The following CLNK variants were observed in gnomAD, a reference collection of about 807,000 sequenced individuals.
CLNK encodes the protein cytokine-dependent hematopoietic cell linker.
A neutral mutation model predicts 68.6 loss-of-function variants in CLNK; 74 were observed. The ratio of observed to expected loss-of-function variants is 1.08; its 90% confidence interval spans 0.89 to 1.31. The LOEUF (loss-of-function observed/expected upper bound fraction) is 1.31. Ranked by LOEUF, CLNK falls within the 50% of genes most tolerant of loss-of-function variation. CLNK has a pLI of 0.00. For missense variants in CLNK, 553 were observed against 515.3 expected (o/e 1.07, Z -0.71); for synonymous variants, 198 against 172.2 (o/e 1.15, Z -1.17).
chr4:10,659,369 C>G (rs1577202768), intron 2 of CLNK, among the ~76,000 whole-genome samples: 1 of 152,184 alleles, frequency 6.6e-6, no homozygotes, highest in East Asian at 1.9e-4. Flanking sequence ...CTCAACAACC[C>G]TTTGAGATAG....
intron 1 of CLNK, among the ~76,000 whole-genome samples, chr4:10,679,287 T>C (rs1257695578): frequency 1.3e-5 from 2 of 152,200 alleles, no homozygotes; most frequent in Non-Finnish European, 2.9e-5. Flanking sequence ...ATTTAATAAA[T>C]GGTGCTGGGA....
the CLNK span, among the ~76,000 whole-genome samples, chr4:10,695,808 A>G: frequency 6.6e-6 from 1 of 151,678 alleles, no homozygotes; most frequent in East Asian, 1.9e-4. Context: ...AGAGCATTCA[A>G]TTCCCCTGCC....
intron 2 of CLNK, among the ~76,000 whole-genome samples, chr4:10,637,933 T>C (rs1300296223): frequency 6.6e-6 from 1 of 151,336 alleles, no homozygotes; most frequent in Non-Finnish European, 1.5e-5. Flanking sequence ...TTGCCTACTC[T>C]CTTAAAGAGT....
At chr4:10,662,108 T>C (rs1192732220) in intron 2 of CLNK, among the ~76,000 whole-genome samples, 1 of 152,210 alleles carries the variant, frequency 6.6e-6, no homozygotes, top group Non-Finnish European at 1.5e-5. Flanking sequence ...TAGACTATTA[T>C]GGTAGAGTTA....
At chr4:10,715,586 CTTTCT>C in the CLNK span, among the ~76,000 whole-genome samples, 1 of 152,158 alleles carries the variant, frequency 6.6e-6, no homozygotes, top group Non-Finnish European at 1.5e-5. Flanking sequence ...CTTCTTCCTT[CTTTCT>C]TTTCTTCTTC....
chr4:10,540,934 G>T (rs376198839), intron 10 of CLNK, among the ~76,000 whole-genome samples: 1 of 152,030 alleles, frequency 6.6e-6, no homozygotes, highest in Non-Finnish European at 1.5e-5. Context: ...AAAAAAAGTG[G>T]CCAGGCATGG....
At chr4:10,681,257 A>C (rs1394902728) in intron 1 of CLNK, among the ~76,000 whole-genome samples, 1 of 152,228 alleles carries the variant, frequency 6.6e-6, no homozygotes, top group African/African-American at 2.4e-5. Context: ...TCAAAGTACC[A>C]GAGTGAACTG....
At chr4:10,584,826 C>T (rs1720912296) in intron 4 of CLNK, 101 bp downstream of exon 4, 1 of 1,212,236 alleles carries the variant, frequency 8.2e-7, no homozygotes, top group African/African-American at 1.5e-5. Context: ...TCAAATAGGC[C>T]ATAGTTTTAT....
chr4:10,573,714 G>A lies in CLNK; in HGVS notation c.113-1936C>T, dbSNP rs993030467. The stretch of plus-strand genomic sequence containing the variant: ...TTAGAAAATTGGCCTCAAGGAGTGC[G>A]GTCATGATACTGACATCTTCTTGGG... On this transcript the variant is annotated intron_variant, in intron 4 of 18. Coordinates refer to ENST00000226951, the MANE Select transcript of CLNK (RefSeq NM_052964.4). Among the ~76,000 whole-genome samples, 9 of 152,086 alleles carry A rather than the reference G, an allele frequency of 5.9e-5. No individual in the cohort carries two copies. In the South Asian group the frequency reaches 1.5e-3, roughly 25 times the overall value.
At chr4:10,616,285 C>T (rs2108857519) in intron 2 of CLNK, among the ~76,000 whole-genome samples, 1 of 152,262 alleles carries the variant, frequency 6.6e-6, no homozygotes, top group Middle Eastern at 3.4e-3. Flanking sequence ...TTGGCACATG[C>T]TACAAATCGG....
intron 18 of CLNK, among the ~76,000 whole-genome samples, chr4:10,496,407 G>A (rs1231735901): frequency 6.6e-6 from 1 of 152,178 alleles, no homozygotes; most frequent in Admixed American, 6.5e-5. Context: ...CAAGACAAAA[G>A]GCTCACGCTG....
At chr4:10,618,726 G>C (rs566387449) in intron 2 of CLNK, among the ~76,000 whole-genome samples, 6 of 152,188 alleles carry the variant, frequency 3.9e-5, no homozygotes, top group Non-Finnish European at 8.8e-5. Flanking sequence ...TTCCATGGCA[G>C]AAGCAGGAGC....
the CLNK span, among the ~76,000 whole-genome samples, chr4:10,718,109 A>G: frequency 6.6e-6 from 1 of 152,228 alleles, no homozygotes; most frequent in African/African-American, 2.4e-5. Context: ...ACCTCAATCT[A>G]TGGGCTCAAC....
intron 8 of CLNK, 62 bp downstream of exon 8, chr4:10,558,345 T>C: frequency 7.1e-7 from 1 of 1,414,718 alleles, no homozygotes; most frequent in Non-Finnish European, 1.0e-6. Flanking sequence ...TGCGAGAGGA[T>C]CTTAGAAGCA....
At chr4:10,509,526 CTTT>C (rs34708664) in intron 16 of CLNK, among the ~76,000 whole-genome samples, 11 of 142,274 alleles carry the variant, frequency 7.7e-5, no homozygotes, top group East Asian at 4.1e-4. Context: ...AAAGTCACCT[CTTT>C]TTTTTTTTTT....
intron 2 of CLNK, among the ~76,000 whole-genome samples, chr4:10,620,654 A>G (rs1722402265): frequency 6.6e-6 from 1 of 152,014 alleles, no homozygotes; most frequent in South Asian, 2.1e-4. Flanking sequence ...TGCCTTCTTT[A>G]GCGTGGGGTG....
chr4:10,706,267 C>G, the CLNK span, among the ~76,000 whole-genome samples: 1 of 152,200 alleles, frequency 6.6e-6, no homozygotes, highest in African/African-American at 2.4e-5. Flanking sequence ...CCTCTGAACT[C>G]CTAAACCTCC....
At chr4:10,493,585 C>T (rs1318821200) in intron 18 of CLNK, among the ~76,000 whole-genome samples, 3 of 152,156 alleles carry the variant, frequency 2.0e-5, no homozygotes, top group Non-Finnish European at 4.4e-5. Flanking sequence ...AACACCATCA[C>T]CTTAGGGCTT....
At chr4:10,653,505 TTA>T (rs1384104958) in intron 2 of CLNK, among the ~76,000 whole-genome samples, 2 of 152,086 alleles carry the variant, frequency 1.3e-5, no homozygotes, top group African/African-American at 4.8e-5. Context: ...AATCAGCAAA[TTA>T]TAATTCAAAG....
Sources: allele counts gnomAD v4.1 joint callset (sites outside exome capture counted in the v4.1 genomes callset), GRCh38; gene constraint gnomAD v4.1.1; transcripts MANE v1.5; gene names NCBI Gene and HGNC (gene_info 2026-07-23, HGNC 2026-07-21).